The following FHOD3 variants were observed in gnomAD, a reference collection of about 807,000 sequenced individuals.
FHOD3 encodes formin homology 2 domain containing 3, also known as FH1/FH2 domain-containing protein 3.
Under a neutral mutation model 173.0 loss-of-function variants are expected in FHOD3, and 90 were observed. That is an observed-to-expected ratio of 0.52 (90% CI 0.44 to 0.62). The LOEUF is 0.62. Among genes scored for constraint, FHOD3 ranks in the 20% least tolerant of loss-of-function variants. The pLI, the probability that FHOD3 is intolerant of heterozygous loss-of-function variation, is 0.00. For missense variants in FHOD3, 1,945 were observed against 2,034.7 expected, an observed-to-expected ratio of 0.96 and a Z score of 0.85; for synonymous variants, 828 against 823.0, an observed-to-expected ratio of 1.01 and a Z score of -0.10.
At chr18:36,563,748 C>G (rs2058169479) in intron 5 of FHOD3, among the ~76,000 whole-genome samples, 1 of 152,128 alleles carries the variant, frequency 6.6e-6, no homozygotes, top group African/African-American at 2.4e-5. Context: ...TTTCTTTTCT[C>G]ATGCCCTGGA....
At chr18:36,386,252 C>T (rs1054972816) in intron 3 of FHOD3, among the ~76,000 whole-genome samples, 20 of 152,086 alleles carry the variant, frequency 1.3e-4, no homozygotes, top group East Asian at 9.6e-4. Flanking sequence ...AGAAGCTGTC[C>T]GTCCTCTGCC....
At chr18:36,355,514 G>T (rs1184730934) in intron 1 of FHOD3, 25 bp from the exon 2 acceptor site, 3 of 1,597,658 alleles carry the variant, frequency 1.9e-6, no homozygotes, top group South Asian at 2.2e-5. Context: ...AGCAGGTTGG[G>T]TATAACAGGC....
intron 1 of FHOD3, among the ~76,000 whole-genome samples, chr18:36,300,043 G>GT (rs2091918297): frequency 6.6e-6 from 1 of 152,216 alleles, no homozygotes; most frequent in Non-Finnish European, 1.5e-5. Context: ...AACAGCTGGA[G>GT]TTTCAAGCAC....
At chr18:36,761,234 A>G (rs1406557817) in intron 27 of FHOD3, among the ~76,000 whole-genome samples, 1 of 152,182 alleles carries the variant, frequency 6.6e-6, no homozygotes, top group African/African-American at 2.4e-5. Flanking sequence ...AAGGTTGCCA[A>G]CCCTGCCCTA....
intron 5 of FHOD3, among the ~76,000 whole-genome samples, chr18:36,539,699 C>T (rs1016822656): frequency 6.6e-6 from 1 of 152,144 alleles, no homozygotes; most frequent in African/African-American, 2.4e-5. Flanking sequence ...TGTTTATCAC[C>T]ATTTTGAGAA....
chr18:36,605,773 A>C (rs1186000965), intron 8 of FHOD3, among the ~76,000 whole-genome samples: 1 of 152,238 alleles, frequency 6.6e-6, no homozygotes, highest in Non-Finnish European at 1.5e-5. Flanking sequence ...AAACAAAATA[A>C]CAAATTAAAA....
At chr18:36,463,111 T>C (rs2052660468) in intron 3 of FHOD3, among the ~76,000 whole-genome samples, 1 of 152,106 alleles carries the variant, frequency 6.6e-6, no homozygotes, top group African/African-American at 2.4e-5. Context: ...TTTTAAAAGA[T>C]TGACAACTAT....
At chr18:36,662,740 C>T (rs768779301) in intron 14 of FHOD3, among the ~76,000 whole-genome samples, 1 of 152,182 alleles carries the variant, frequency 6.6e-6, no homozygotes, top group African/African-American at 2.4e-5. Context: ...GATCTACCCT[C>T]TTAACAATGT....
At chr18:36,602,407 TCAAG>T (rs2031512648) in intron 7 of FHOD3, among the ~76,000 whole-genome samples, 2 of 152,196 alleles carry the variant, frequency 1.3e-5, no homozygotes, top group African/African-American at 4.8e-5. Flanking sequence ...GAAGAAATTT[TCAAG>T]CAAGTAAGCA....
At chr18:36,511,057 ATT>A (rs902984036) in intron 4 of FHOD3, among the ~76,000 whole-genome samples, 1 of 152,150 alleles carries the variant, frequency 6.6e-6, no homozygotes, top group African/African-American at 2.4e-5. Flanking sequence ...CATCTACATT[ATT>A]TTTTCTCTTT....
At chr18:36,580,764 C>T (rs1007345350) in intron 6 of FHOD3, among the ~76,000 whole-genome samples, 27 of 152,238 alleles carry the variant, frequency 1.8e-4, no homozygotes, top group Admixed American at 3.3e-4. Flanking sequence ...CAGTCTCCTC[C>T]TTAAACATAC....
chr18:36,545,433 C>CA (rs11392757), intron 5 of FHOD3, among the ~76,000 whole-genome samples: 1,576 of 152,306 alleles, frequency 0.01, 19 homozygotes, highest in African/African-American at 0.036. Context: ...CGTAATGTTT[C>CA]ACCCAAAGAA....
intron 14 of FHOD3, among the ~76,000 whole-genome samples, chr18:36,673,391 T>G (rs2037656066): frequency 6.6e-6 from 1 of 152,258 alleles, no homozygotes; most frequent in Admixed American, 6.5e-5. Flanking sequence ...TGGTTCTTTC[T>G]GAAACCAGCC....
At chr18:36,681,995 A>G (rs563793568) in intron 15 of FHOD3, among the ~76,000 whole-genome samples, 2 of 152,304 alleles carry the variant, frequency 1.3e-5, no homozygotes, top group Non-Finnish European at 2.9e-5. Flanking sequence ...ACAATCTTCA[A>G]TATTTTTTGT....
chr18:36,613,782 T>C (rs1394282544), intron 9 of FHOD3, among the ~76,000 whole-genome samples: 1 of 152,146 alleles, frequency 6.6e-6, no homozygotes, highest in Non-Finnish European at 1.5e-5. Context: ...CAAATGATTC[T>C]CCAGCCTCAG....
intron 14 of FHOD3, among the ~76,000 whole-genome samples, chr18:36,659,199 A>G (rs1340107966): frequency 6.6e-6 from 1 of 152,092 alleles, no homozygotes; most frequent in African/African-American, 2.4e-5. Flanking sequence ...AAGCCCTGGG[A>G]GGAAGGGAGG....
intron 6 of FHOD3, among the ~76,000 whole-genome samples, chr18:36,590,854 G>A (rs540362302): frequency 6.6e-6 from 1 of 152,162 alleles, no homozygotes; most frequent in Non-Finnish European, 1.5e-5. Context: ...AATGGCTTAG[G>A]GATTCTGGGT....
intron 1 of FHOD3, among the ~76,000 whole-genome samples, chr18:36,332,704 G>T (rs186074234): frequency 6.6e-6 from 1 of 152,212 alleles, no homozygotes; most frequent in Non-Finnish European, 1.5e-5. Context: ...GGCAGGTTCT[G>T]TGCCTGCCTC....
chr18:36,696,975 T>C (rs185866169), intron 17 of FHOD3, among the ~76,000 whole-genome samples: 51 of 152,336 alleles, frequency 3.3e-4, no homozygotes, highest in Non-Finnish European at 5.7e-4. Context: ...TTTCCTATTA[T>C]TTTTAGAAAC....
Sources: gnomAD v4.1 joint callset for allele counts (sites outside exome capture counted in the v4.1 genomes callset) on GRCh38, gnomAD v4.1.1 for gene constraint, MANE v1.5 for transcripts, NCBI Gene and HGNC (gene_info 2026-07-23, HGNC 2026-07-21) for gene names.